Variants in TCF7L1 observed in about 807,000 individuals in gnomAD.
The protein encoded by TCF7L1 is transcription factor 7-like 1.
In TCF7L1, 18 loss-of-function variants were observed where a neutral mutation model predicts 63.7. The observed-to-expected ratio is 0.28, with a 90% CI of 0.20 to 0.42. The LOEUF (loss-of-function observed/expected upper bound fraction) is 0.42. Ranked by LOEUF, TCF7L1 falls within the 10% of genes least tolerant of loss-of-function variation. The probability of loss-of-function intolerance (pLI) is 1.00; values close to 1 mark genes in which losing one functional copy is unlikely to be tolerated. For missense variants in TCF7L1, 654 were observed against 779.3 expected, an observed-to-expected ratio of 0.84 and a Z score of 1.91; for synonymous variants, 355 against 340.9, an observed-to-expected ratio of 1.04 and a Z score of -0.46.
rs139651781 is a variant in TCF7L1, at chr2:85,145,015, G to A, written c.441+10565G>A. Among the ~76,000 whole-genome samples, 25 of 151,164 alleles carry A rather than the reference G, an allele frequency of 1.7e-4. No homozygotes were observed. In the East Asian group the frequency reaches 4.3e-3, roughly 26 times the overall value. On this transcript the variant is annotated intron_variant, in intron 3 of 11. Coordinates refer to ENST00000282111, the MANE Select transcript of TCF7L1 (RefSeq NM_031283.3). Reference sequence around the variant, plus strand: ...CGGGAGAATTGCTTGGACCCGGGAGGCAGAGGCTGCAGTGAGCCAAGACTG... The same window carrying A: ...CGGGAGAATTGCTTGGACCCGGGAGACAGAGGCTGCAGTGAGCCAAGACTG...
chr2:85,265,182 T>A (rs535269571), intron 3 of TCF7L1, among the ~76,000 whole-genome samples: 1 of 151,974 alleles, frequency 6.6e-6, no homozygotes, highest in Admixed American at 6.6e-5. Flanking sequence ...AGGAAGGTCA[T>A]CTTTGAAAGA....
chr2:85,164,282 G>A (rs1340204992), intron 3 of TCF7L1, among the ~76,000 whole-genome samples: 1 of 152,174 alleles, frequency 6.6e-6, no homozygotes, highest in Non-Finnish European at 1.5e-5. Flanking sequence ...CTCCTCCAGA[G>A]ATGAATATAA....
At chr2:85,285,260 C>A (rs966154138) in intron 4 of TCF7L1, among the ~76,000 whole-genome samples, 1 of 151,930 alleles carries the variant, frequency 6.6e-6, no homozygotes, top group African/African-American at 2.4e-5. Context: ...AATTCTTATT[C>A]ATTAAAAGCT....
chr2:85,269,198 A>G (rs563135736), intron 3 of TCF7L1, among the ~76,000 whole-genome samples: 1 of 152,334 alleles, frequency 6.6e-6, no homozygotes, highest in East Asian at 1.9e-4. Flanking sequence ...CTGGATGGCC[A>G]CAAACATGCA....
intron 3 of TCF7L1, among the ~76,000 whole-genome samples, chr2:85,143,420 G>A (rs548034045): frequency 8.5e-5 from 13 of 152,192 alleles, no homozygotes; most frequent in Admixed American, 2.0e-4. Flanking sequence ...TGGCTGCTCC[G>A]GCTGCTCTTT....
At chr2:85,197,685 C>T (rs1679189002) in intron 3 of TCF7L1, among the ~76,000 whole-genome samples, 2 of 152,166 alleles carry the variant, frequency 1.3e-5, no homozygotes, top group African/African-American at 2.4e-5. Flanking sequence ...CGTCACCCTG[C>T]CTTTTAGGAT....
intron 3 of TCF7L1, among the ~76,000 whole-genome samples, chr2:85,142,752 A>ATGAAGGGAACCATGAGGGGAG (rs1677776478): frequency 6.6e-6 from 1 of 152,230 alleles, no homozygotes; most frequent in Non-Finnish European, 1.5e-5. Flanking sequence ...GTGTTCAGAA[A>ATGAAGGGAACCATGAGGGGAG]TGAAGGGAAC....
chr2:85,137,258 A>G (rs1677617305), intron 3 of TCF7L1, among the ~76,000 whole-genome samples: 2 of 152,242 alleles, frequency 1.3e-5, no homozygotes, highest in Admixed American at 6.5e-5. Context: ...ACCCACTGGC[A>G]TAATTCCTGC....
At chr2:85,245,667 G>A (rs1376759697) in intron 3 of TCF7L1, among the ~76,000 whole-genome samples, 2 of 151,880 alleles carry the variant, frequency 1.3e-5, no homozygotes, top group African/African-American at 2.4e-5. Flanking sequence ...TACAAAAAAT[G>A]AGCTGGGCAT....
chr2:85,251,687 G>T (rs1680591635), intron 3 of TCF7L1, among the ~76,000 whole-genome samples: 1 of 152,174 alleles, frequency 6.6e-6, no homozygotes, highest in Non-Finnish European at 1.5e-5. Context: ...CCCTGTGACT[G>T]GCATCTGATT....
intron 3 of TCF7L1, among the ~76,000 whole-genome samples, chr2:85,147,597 G>A (rs1283680568): frequency 6.6e-6 from 1 of 152,146 alleles, no homozygotes; most frequent in African/African-American, 2.4e-5. Context: ...ACAGGATCTT[G>A]GTGGTCCCAG....
At chr2:85,263,190 G>T (rs1379835936) in intron 3 of TCF7L1, among the ~76,000 whole-genome samples, 3 of 152,198 alleles carry the variant, frequency 2.0e-5, no homozygotes, top group Non-Finnish European at 4.4e-5. Context: ...GGAATGATTG[G>T]CTGGCTAGAA....
intron 3 of TCF7L1, among the ~76,000 whole-genome samples, chr2:85,272,688 AG>A (rs1257997192): frequency 1.3e-5 from 2 of 152,034 alleles, no homozygotes; most frequent in African/African-American, 4.8e-5. Context: ...CCAGCTATGC[AG>A]GAGGCTGATG....
intron 3 of TCF7L1, among the ~76,000 whole-genome samples, chr2:85,215,431 C>A (rs1423116572): frequency 1.3e-5 from 2 of 152,226 alleles, no homozygotes; most frequent in African/African-American, 4.8e-5. Context: ...TCCCACACAA[C>A]GCAACTTTTC....
chr2:85,180,924 T>A (rs1350644797), intron 3 of TCF7L1, among the ~76,000 whole-genome samples: 1 of 152,212 alleles, frequency 6.6e-6, no homozygotes, highest in East Asian at 1.9e-4. Flanking sequence ...AGCACATGAT[T>A]CCTAGCCCCA....
intron 3 of TCF7L1, among the ~76,000 whole-genome samples, chr2:85,170,689 C>T (rs1216967216): frequency 6.6e-6 from 1 of 152,176 alleles, no homozygotes; most frequent in African/African-American, 2.4e-5. Flanking sequence ...AGTACCCGGA[C>T]ATCCCAGGAA....
At chr2:85,187,928 T>A (rs1186566709) in intron 3 of TCF7L1, among the ~76,000 whole-genome samples, 3 of 152,136 alleles carry the variant, frequency 2.0e-5, no homozygotes, top group African/African-American at 7.2e-5. Flanking sequence ...CTGTGGTATA[T>A]CTATACCATG....
At chr2:85,199,759 CTTAT>C (rs1002182212) in intron 3 of TCF7L1, among the ~76,000 whole-genome samples, 6 of 152,086 alleles carry the variant, frequency 3.9e-5, no homozygotes, top group African/African-American at 1.2e-4. Flanking sequence ...AAAAATATAT[CTTAT>C]TTATTTATTT....
At chr2:85,295,123 CATATCCTGTTGG>C (rs1440613629) in intron 4 of TCF7L1, among the ~76,000 whole-genome samples, 1 of 149,930 alleles carries the variant, frequency 6.7e-6, no homozygotes, top group Non-Finnish European at 1.5e-5. Context: ...AAACCCATAG[CATATCCTGTTGG>C]TGCTCTGTAC....
Sources: gnomAD v4.1 joint callset for allele counts (sites outside exome capture counted in the v4.1 genomes callset) on GRCh38, gnomAD v4.1.1 for gene constraint, MANE v1.5 for transcripts, NCBI Gene and HGNC (gene_info 2026-07-23, HGNC 2026-07-21) for gene names.